NLRP3: variants seen among roughly 807,000 people sequenced by gnomAD.
The protein encoded by NLRP3 is NLR family pyrin domain containing 3, also known as NACHT, LRR and PYD domains-containing protein 3.
In NLRP3, 48 loss-of-function variants were observed where a neutral mutation model predicts 91.3. That is an observed-to-expected ratio of 0.53 (90% confidence interval 0.42 to 0.67). The LOEUF (loss-of-function observed/expected upper bound fraction) is 0.67, where lower values mean the gene tolerates loss of function less well. NLRP3 is among the 30% of genes least tolerant of loss of function. The pLI is 0.00. For missense variants in NLRP3, 982 were observed against 1,276.9 expected (o/e 0.77, Z 3.52); for synonymous variants, 561 against 507.9 (o/e 1.10, Z -1.41).
At chr1:247,416,491 A>G (rs1048040460) in intron 1 of NLRP3, among the ~76,000 whole-genome samples, 4 of 152,170 alleles carry the variant, frequency 2.6e-5, no homozygotes, top group African/African-American at 9.7e-5. Flanking sequence ...GAGAAGATGG[A>G]TGGGATATAC....
At chr1:247,430,652 T>C (rs1392318223) in intron 5 of NLRP3, among the ~76,000 whole-genome samples, 1 of 152,156 alleles carries the variant, frequency 6.6e-6, no homozygotes, top group Non-Finnish European at 1.5e-5. Flanking sequence ...AAAAAAGTCA[T>C]TTCTTGAAAC....
chr1:247,435,905 G>T lies in NLRP3; in HGVS notation c.2493-65G>T, dbSNP rs1007475107. On this transcript the variant is annotated intron_variant, in intron 6 of 9. Coordinates refer to ENST00000336119, the MANE Select transcript of NLRP3 (RefSeq NM_001243133.2). ...AGTAGAGGCAGTGGCAGGTACGGGT[G>T]CTTCCTTGTCCATGGTGGAGCGTGG... 7.9e-6 allele frequency: 12 copies of T among 1,514,052 alleles called. No homozygotes were observed. The African/African-American group carries it at 1.6e-4, about 21-fold the overall frequency. The allele number at this position is 1,514,052 out of a possible 1,614,324, so 93.8% of individuals were successfully genotyped here.
At position 247,429,735 on chromosome 1, in the gene NLRP3, C is replaced by T. The variant is rs150229101; in HGVS notation, c.2301C>T (p.Gly767=). The stretch of plus-strand genomic sequence containing the variant: ...TGTGTGAAACGCTCCAGCATCCTGG[C>T]TGTAACATTCGGAGATTGTGGTGAG... The part of the protein sequence containing the change: ...RVLCETLQHP[G]CNIRRLWLGR... Residue 767 remains glycine, a synonymous_variant, in exon 5 of 10, where the codon GGC becomes GGT. Coordinates refer to ENST00000336119, the MANE Select transcript of NLRP3 (RefSeq NM_001243133.2). The T allele has an allele frequency of 5.6e-6, 9 of 1,613,804 alleles. No homozygotes were observed. In the African/African-American group the frequency reaches 1.2e-4, roughly 22 times the overall value.
intron 4 of NLRP3, among the ~76,000 whole-genome samples, chr1:247,428,064 G>C (rs1663033751): frequency 6.8e-6 from 1 of 146,702 alleles, no homozygotes; most frequent in Non-Finnish European, 1.5e-5. Flanking sequence ...TGAAGCCCCG[G>C]TAGGAGGCTC....
chr1:247,440,168 G>A (rs1236793913), intron 7 of NLRP3, among the ~76,000 whole-genome samples: 1 of 152,096 alleles, frequency 6.6e-6, no homozygotes, highest in African/African-American at 2.4e-5. Flanking sequence ...CTCGAACTTT[G>A]GGTCCTCATC....
chr1:247,428,384 C>A (rs1413069197), intron 4 of NLRP3, among the ~76,000 whole-genome samples: 1 of 152,238 alleles, frequency 6.6e-6, no homozygotes, highest in Admixed American at 6.5e-5. Flanking sequence ...GAAGCCTGAG[C>A]ATCTATTAGA....
At chr1:247,429,510 A>C in intron 4 of NLRP3, 75 bp from the exon 5 acceptor site, 1 of 1,540,434 alleles carries the variant, frequency 6.5e-7, no homozygotes, top group Non-Finnish European at 9.0e-7. Context: ...GGTGCCAGGC[A>C]CCCCGGCCCC....
rs959576319 is a variant in NLRP3 at position 247,418,914 on chromosome 1, C to T, written c.114C>T (p.Pro38=). The T allele has an allele frequency of 4.3e-6, 7 of 1,614,006 alleles. No homozygotes were observed. The African/African-American group carries it at 9.3e-5, about 22-fold the overall frequency. Residue 38 remains proline, a synonymous_variant, in exon 2 of 10, where the codon CCC becomes CCT. Transcript: ENST00000336119. ...ATCCTCCCCAGAAGGGCTGCATCCC[C>T]CTCCCGAGGGGTCAGACAGAGAAGG... The part of the protein sequence containing the change: ...EDYPPQKGCI[P]LPRGQTEKAD...
At position 247,419,091 on chromosome 1, in the gene NLRP3, A is replaced by C. The variant is rs775664410; in HGVS notation, c.277+14A>C. On this transcript the variant is annotated intron_variant, in intron 2 of 9. Coordinates refer to ENST00000336119, the MANE Select transcript of NLRP3 (RefSeq NM_001243133.2). Reference sequence around the variant, plus strand: ...AGCCGAAGTGGGGTGAGTGGAAGGAAGACTTTTAAAAAAAATTGTGGCCAA... The same window carrying C: ...AGCCGAAGTGGGGTGAGTGGAAGGACGACTTTTAAAAAAAATTGTGGCCAA... The C allele has an allele frequency of 6.2e-7, 1 of 1,604,246 alleles. No homozygotes were observed. Among genetic ancestry groups the C allele is most frequent in the Admixed American group, 1.7e-5 (1 of 59,774 alleles).
At chr1:247,416,647 A>C (rs1485812503) in intron 1 of NLRP3, among the ~76,000 whole-genome samples, 1 of 119,982 alleles carries the variant, frequency 8.3e-6, no homozygotes, top group East Asian at 2.6e-4. Context: ...CGGAGCTAAT[A>C]GGGCTGTCTG....
chr1:247,434,173 C>G lies in NLRP3; in HGVS notation c.2392C>G (p.Leu798Val). 3.1e-6 allele frequency: 5 copies of G among 1,614,250 alleles called. No homozygotes were observed. The highest frequency in any genetic ancestry group is 4.2e-6 in the Non-Finnish European group (5 of 1,180,040). The change falls in exon 6 of 10, where the codon CTG becomes GTG. Residue 798 changes from leucine to valine, a missense_variant. Leu to Val is a conservative substitution (Grantham distance 32, BLOSUM62 1). Around this residue, in one of 5 missense-constraint regions of NLRP3, gnomAD observed 373 missense variants for 431.5 expected, o/e 0.86. Coordinates refer to ENST00000336119, the MANE Select transcript of NLRP3 (RefSeq NM_001243133.2). ...CTTGGTCCTCAGCAGCAACCAGAAG[C>G]TGGTGGAGCTGGACCTGAGTGACAA... Reference protein sequence around the residue: ...ISLVLSSNQKLVELDLSDNAL... With the variant: ...ISLVLSSNQKVVELDLSDNAL...
intron 9 of NLRP3, among the ~76,000 whole-genome samples, chr1:247,446,741 T>C (rs184390339): frequency 3.4e-4 from 51 of 152,130 alleles, no homozygotes; most frequent in African/African-American, 1.2e-3. Context: ...TATGTCATTT[T>C]CTTGTTTATT....
At chr1:247,429,075 TAG>T (rs1663118469) in intron 4 of NLRP3, among the ~76,000 whole-genome samples, 1 of 151,986 alleles carries the variant, frequency 6.6e-6, no homozygotes, top group African/African-American at 2.4e-5. Flanking sequence ...GTATTTTTAG[TAG>T]AGAGAGGGTT....
rs192201564 is a variant in NLRP3, at chr1:247,423,174, A to T, written c.278-56A>T. ...ATGCCAAATATTAGGCCAGGTTTCA[A>T]TTGCATCCTCTGTGATAATAGTTCT... is the stretch of plus-strand genomic sequence containing the variant. On this transcript the variant is annotated intron_variant, in intron 2 of 9. Coordinates refer to ENST00000336119, the MANE Select transcript of NLRP3 (RefSeq NM_001243133.2). 2.1e-4 allele frequency: 346 copies of T among 1,612,050 alleles called. 1 individual carries two copies. Among genetic ancestry groups the T allele is most frequent in the Non-Finnish European group, 2.7e-4 (318 of 1,178,836 alleles).
rs1230537648 is a variant in NLRP3 at position 247,424,813 on chromosome 1, G to T, written c.1364G>T (p.Ser455Ile). The T allele has an allele frequency of 6.2e-7, 1 of 1,608,670 alleles. No individual in the cohort carries two copies. The highest frequency in any genetic ancestry group is 8.5e-7 in the Non-Finnish European group (1 of 1,179,996). Residue 455 changes from serine (S) to isoleucine (I), a missense_variant, in exon 4 of 10, where the codon AGC becomes ATC. Physicochemically the swap from Ser to Ile is moderately radical, Grantham distance 142 (BLOSUM62 -2). Coordinates refer to ENST00000336119, the MANE Select transcript of NLRP3 (RefSeq NM_001243133.2). The surrounding 1 kb of genome is among the most constrained non-coding windows in gnomAD (Gnocchi z 8.1). Reference sequence around the variant, plus strand: ...AGTTTGCTGCAGCCCCGGGGAGGGAGCCAGGAGCACGGCCTCTGCGCCCAC... The same window carrying T: ...AGTTTGCTGCAGCCCCGGGGAGGGATCCAGGAGCACGGCCTCTGCGCCCAC... Reference protein sequence around the residue: ...LSSLLQPRGGSQEHGLCAHLW... With the variant: ...LSSLLQPRGGIQEHGLCAHLW...
chr1:247,433,840 G>A (rs1663544271), intron 5 of NLRP3, among the ~76,000 whole-genome samples: 1 of 128,984 alleles, frequency 7.8e-6, no homozygotes, highest in South Asian at 2.4e-4. Flanking sequence ...CTATTCCAGA[G>A]CTCTCTTGTC....
At chr1:247,426,969 G>GA (rs146617854) in intron 4 of NLRP3, among the ~76,000 whole-genome samples, 1 of 152,068 alleles carries the variant, frequency 6.6e-6, no homozygotes, top group Non-Finnish European at 1.5e-5. Flanking sequence ...CGAGTGACTG[G>GA]AAAAAAGACA....
chr1:247,428,118 C>T (rs1394475515), intron 4 of NLRP3, among the ~76,000 whole-genome samples: 1 of 151,984 alleles, frequency 6.6e-6, no homozygotes, highest in Non-Finnish European at 1.5e-5. Context: ...TCAGGACAGA[C>T]TCTGACTGGA....
chr1:247,428,385 A>T (rs1372704783), intron 4 of NLRP3, among the ~76,000 whole-genome samples: 1 of 152,250 alleles, frequency 6.6e-6, no homozygotes, highest in Non-Finnish European at 1.5e-5. Flanking sequence ...AAGCCTGAGC[A>T]TCTATTAGAA....
Sources: gnomAD v4.1 joint callset for allele counts (sites outside exome capture counted in the v4.1 genomes callset) on GRCh38, gnomAD v4.1.1 for gene constraint, gnomAD v4.1.1 regional missense constraint, Gnocchi (gnomAD v3.1) non-coding constraint, MANE v1.5 for transcripts, NCBI Gene and HGNC (gene_info 2026-07-23, HGNC 2026-07-21) for gene names.